ITGAE: variants seen among roughly 807,000 people sequenced by gnomAD.
ITGAE encodes integrin alpha-E.
A neutral mutation model predicts 136.5 loss-of-function variants in ITGAE; 99 were observed. The observed-to-expected ratio is 0.73, with a 90% CI of 0.62 to 0.86. ITGAE has a LOEUF of 0.86. Ranked by LOEUF, ITGAE falls within the 40% of genes least tolerant of loss-of-function variation. ITGAE has a pLI of 0.00. For missense variants in ITGAE, 1,447 were observed against 1,515.3 expected (o/e 0.95, Z 0.75); for synonymous variants, 613 against 591.8 (o/e 1.04, Z -0.52).
chr17:3,736,066 C>T (rs1014537513), intron 20 of ITGAE, among the ~76,000 whole-genome samples: 1 of 152,082 alleles, frequency 6.6e-6, no homozygotes, highest in Non-Finnish European at 1.5e-5. Context: ...TTGCTTGAAC[C>T]CGGTAGGGGG....
At chr17:3,797,216 A>G (rs1472647959) in intron 1 of ITGAE, among the ~76,000 whole-genome samples, 17 of 132,808 alleles carry the variant, frequency 1.3e-4, no homozygotes, top group East Asian at 1.0e-3. Context: ...CCCAGGCTGG[A>G]GTGCAGTGGC....
chr17:3,785,954 C>T (rs549333878), intron 1 of ITGAE, among the ~76,000 whole-genome samples: 155 of 151,624 alleles, frequency 1.0e-3, no homozygotes, highest in Admixed American at 2.0e-3. Flanking sequence ...GATCACGAGG[C>T]CAGGAGATCG....
At chr17:3,732,330 G>A (rs754497005) in intron 22 of ITGAE, 38 bp downstream of exon 22, 1 of 1,463,430 alleles carries the variant, frequency 6.8e-7, no homozygotes. Flanking sequence ...GCCAACTGCA[G>A]GGTGGTGAGA....
chr17:3,759,533 CT>C lies in ITGAE; in HGVS notation c.734del (p.Gln245ArgfsTer5). On this transcript the variant is annotated frameshift_variant, in exon 8 of 31. Coordinates refer to ENST00000263087, the MANE Select transcript of ITGAE (RefSeq NM_002208.5). LOFTEE classifies it high-confidence loss of function. ...ACTCAGTCTGGATCACTCCTCCATA[CT>C]GCACCAAGGCAAAGTTGCACTGCAG... ...KCFECNFALV[Q>X]YGGVIQTEFD... 6.2e-7 allele frequency: 1 copy of C among 1,613,344 alleles called. No individual in the cohort carries two copies. The highest frequency in any genetic ancestry group is 8.5e-7 in the Non-Finnish European group (1 of 1,179,294).
intron 16 of ITGAE, among the ~76,000 whole-genome samples, chr17:3,749,696 C>G (rs1316886228): frequency 6.6e-6 from 1 of 152,068 alleles, no homozygotes; most frequent in Non-Finnish European, 1.5e-5. Context: ...GGGACTTGAT[C>G]ATTCACTGAG....
At chr17:3,741,244 ATTT>A (rs34606637) in intron 19 of ITGAE, among the ~76,000 whole-genome samples, 3 of 136,718 alleles carry the variant, frequency 2.2e-5, no homozygotes, top group Non-Finnish European at 1.6e-5. Flanking sequence ...CGCCCAGCTA[ATTT>A]TTTTTTTTTT....
intron 2 of ITGAE, among the ~76,000 whole-genome samples, chr17:3,777,014 G>T (rs1240188381): frequency 2.0e-4 from 30 of 149,354 alleles, no homozygotes; most frequent in African/African-American, 7.2e-4. Context: ...AGGCTGGAGT[G>T]CAGTGGCGCC....
rs762803360 is a variant in ITGAE, at chr17:3,732,389, G to T, written c.2733C>A (p.His911Gln). 33 of 1,613,934 alleles carry T rather than the reference G, an allele frequency of 2.0e-5. No individual in the cohort carries two copies. In the South Asian group the frequency reaches 3.0e-4, roughly 14 times the overall value. The change falls in exon 22 of 31, where the codon CAC (histidine) becomes CAA (glutamine). Residue 911 changes from histidine (H) to glutamine (Q), a missense_variant. By Grantham distance (24) the His-to-Gln change is conservative. This residue lies in a region of ITGAE where 1,031 missense variants were observed against 1,011.4 expected (regional missense o/e 1.02). Coordinates refer to ENST00000263087, the MANE Select transcript of ITGAE (RefSeq NM_002208.5). ...TCACAGATGACCTCTTGAGGACGGG[G>T]TGACCAATCCTGCAGTTCATGATCA... ...SVLIMNCRIG[H>Q]PVLKRSSAHV...
Position 3,747,003 on chromosome 17 carries a change from G to C in ITGAE, c.2155+919C>G, listed in dbSNP as rs182241440. On this transcript the variant is annotated intron_variant, in intron 17 of 30. Transcript: ENST00000263087. ...GGAGGCAGAGACCATCTCAGAGATT[G>C]CTCCTGAGAGATTAAACCTCGGGGA... Among the ~76,000 whole-genome samples, 10 of 152,350 alleles carry C rather than the reference G, an allele frequency of 6.6e-5. No homozygotes were observed. The East Asian group carries it at 1.2e-3, about 18-fold the overall frequency.
At chr17:3,738,355 G>A (rs572127449) in intron 20 of ITGAE, among the ~76,000 whole-genome samples, 120 of 152,248 alleles carry the variant, frequency 7.9e-4, no homozygotes, top group Admixed American at 2.0e-3. Context: ...ATTTTTAGTA[G>A]AGACGGGGTT....
At chr17:3,743,734 G>C in intron 18 of ITGAE, 117 bp from the exon 19 acceptor site, 1 of 1,013,854 alleles carries the variant, frequency 9.9e-7, no homozygotes. Context: ...ATGGAGTCTT[G>C]CTCTGTTGCC....
At chr17:3,779,248 A>C (rs2052610244) in intron 1 of ITGAE, among the ~76,000 whole-genome samples, 1 of 152,226 alleles carries the variant, frequency 6.6e-6, no homozygotes, top group Non-Finnish European at 1.5e-5. Context: ...CTTAAAGAAG[A>C]AGCACAAACA....
chr17:3,743,462 C>T (rs773976008), intron 19 of ITGAE, 27 bp downstream of exon 19: 2 of 1,559,836 alleles, frequency 1.3e-6, no homozygotes, highest in South Asian at 2.4e-5. Flanking sequence ...CTTAAGAGGG[C>T]TGGGTACTGG....
chr17:3,723,312 C>T lies in ITGAE; in HGVS notation c.3213G>A (p.Glu1071=), dbSNP rs1487889828. The T allele has an allele frequency of 6.2e-7, 1 of 1,613,150 alleles. No individual in the cohort carries two copies. Among genetic ancestry groups the T allele is most frequent in the African/African-American group, 1.3e-5 (1 of 75,050 alleles). ...CCTCCTCAGAGTGATCCCAGGAGAT[C>T]TCTGCAGCCACGGTGACATTTTCTT... ...SDKENVTVAA[E]ISWDHSEELL... The change falls in exon 28 of 31, where the codon GAG becomes GAA. Residue 1071 remains glutamate, a synonymous_variant. Coordinates refer to ENST00000263087, the MANE Select transcript of ITGAE (RefSeq NM_002208.5).
chr17:3,797,767 C>T (rs1482595512), intron 1 of ITGAE, among the ~76,000 whole-genome samples: 1 of 152,124 alleles, frequency 6.6e-6, no homozygotes, highest in African/African-American at 2.4e-5. Flanking sequence ...GGCCAGGAAA[C>T]TAAACGTTTC....
At chr17:3,716,903 G>A (rs937245160) in intron 29 of ITGAE, 105 bp from the exon 30 acceptor site, 28 of 664,754 alleles carry the variant, frequency 4.2e-5, no homozygotes, top group East Asian at 1.0e-4. Flanking sequence ...GCAACAACCC[G>A]TGTATTGATC....
Position 3,723,925 on chromosome 17 carries a change from G to A in ITGAE, c.3085-181C>T, listed in dbSNP as rs540000491. The A allele has an allele frequency of 1.4e-5, 21 of 1,543,990 alleles. No homozygotes were observed. In the East Asian group the frequency reaches 4.2e-4, roughly 31 times the overall value. The stretch of plus-strand genomic sequence containing the variant: ...GATGTTTGCGTTTGAACCTCTTGGC[G>A]GGTGCCGGCCATGGCGGCTTCGCTC... On this transcript the variant is annotated intron_variant, in intron 26 of 30. Transcript: ENST00000263087.
At chr17:3,766,854 T>C (rs932042245) in intron 2 of ITGAE, among the ~76,000 whole-genome samples, 2 of 150,308 alleles carry the variant, frequency 1.3e-5, no homozygotes, top group East Asian at 1.9e-4. Flanking sequence ...AATAAACCTG[T>C]GTTGTTGTAA....
At chr17:3,751,988 G>T in intron 14 of ITGAE, 114 bp from the exon 15 acceptor site, 1 of 878,866 alleles carries the variant, frequency 1.1e-6, no homozygotes, top group Non-Finnish European at 1.8e-6. Flanking sequence ...TGCCACCCAG[G>T]ATGCACGCTC....
Sources: allele counts gnomAD v4.1 joint callset (sites outside exome capture counted in the v4.1 genomes callset), GRCh38; gene constraint gnomAD v4.1.1; regional missense constraint gnomAD v4.1.1; transcripts MANE v1.5; gene names NCBI Gene and HGNC (gene_info 2026-07-23, HGNC 2026-07-21).